Variants in BIRC6 observed in about 807,000 individuals in gnomAD.
BIRC6 encodes dual E2 ubiquitin-conjugating enzyme/E3 ubiquitin-protein ligase BIRC6.
Under a neutral mutation model 503.3 loss-of-function variants are expected in BIRC6, and 98 were observed. The ratio of observed to expected loss-of-function variants is 0.19; its 90% confidence interval spans 0.17 to 0.23. The LOEUF (loss-of-function observed/expected upper bound fraction) is 0.23, where lower values mean the gene tolerates loss of function less well. Ranked by LOEUF, BIRC6 falls within the 10% of genes least tolerant of loss-of-function variation. The pLI is 1.00. For missense variants in BIRC6, 5,360 were observed against 5,806.0 expected, an observed-to-expected ratio of 0.92 and a Z score of 2.50; for synonymous variants, 2,240 against 2,078.7, an observed-to-expected ratio of 1.08 and a Z score of -2.11.
chr2:32,519,007 A>G lies in BIRC6; in HGVS notation c.11623+61A>G, dbSNP rs2055354515. The G allele has an allele frequency of 7.4e-6, 11 of 1,489,284 alleles. No homozygotes were observed. The South Asian group carries it at 1.3e-4, about 18-fold the overall frequency. The allele number at this position is 1,489,284 out of a possible 1,614,324, so 92.3% of individuals were successfully genotyped here. On this transcript the variant is annotated intron_variant, in intron 57 of 73. Coordinates refer to ENST00000421745, the MANE Select transcript of BIRC6 (RefSeq NM_016252.4). ...TTATGTTTGATGTATATGGAGGTTTATTGTTTTTATAACTTTATTTTCTGC... is the reference window on the plus strand; with the variant it reads ...TTATGTTTGATGTATATGGAGGTTTGTTGTTTTTATAACTTTATTTTCTGC...
At position 32,547,565 on chromosome 2, in the gene BIRC6, T is replaced by C. The variant is rs528939519; in HGVS notation, c.12811-285T>C. ...ATTTCTTCTTATGGCTCAATAAATA[T>C]CCTGTTTGTTGATCCATTCATCGGT... is the stretch of plus-strand genomic sequence containing the variant. On this transcript the variant is annotated intron_variant, in intron 63 of 73. Coordinates refer to ENST00000421745, the MANE Select transcript of BIRC6 (RefSeq NM_016252.4). 2.7e-3 allele frequency among the ~76,000 whole-genome samples: 415 copies of C among 152,346 alleles called. 3 individuals are homozygous for C. The highest frequency in any genetic ancestry group is 9.4e-3 in the African/African-American group (389 of 41,570).
At chr2:32,596,979 C>T (rs551222290) in intron 68 of BIRC6, among the ~76,000 whole-genome samples, 7 of 152,158 alleles carry the variant, frequency 4.6e-5, no homozygotes, top group African/African-American at 7.2e-5. Flanking sequence ...TTCTCTCATA[C>T]TACATAAAAT....
At chr2:32,391,981 G>T in intron 4 of BIRC6, 58 bp from the exon 5 acceptor site, 1 of 1,147,946 alleles carries the variant, frequency 8.7e-7, no homozygotes, top group South Asian at 1.5e-5. Context: ...TTGTTAAATA[G>T]AAGTTTCACT....
chr2:32,616,173 A>G (rs940539628), intron 73 of BIRC6, among the ~76,000 whole-genome samples: 3 of 152,082 alleles, frequency 2.0e-5, no homozygotes, highest in Admixed American at 1.3e-4. Flanking sequence ...TTGTTCTTCT[A>G]TGATCTTTTT....
intron 3 of BIRC6, among the ~76,000 whole-genome samples, chr2:32,385,451 C>T (rs1024042274): frequency 6.6e-6 from 1 of 152,166 alleles, no homozygotes; most frequent in African/African-American, 2.4e-5. Flanking sequence ...TTGGACAGCT[C>T]TGAATTTGTA....
chr2:32,357,625 C>T lies in BIRC6; in HGVS notation c.325+139C>T. The T allele has an allele frequency of 8.5e-6, 12 of 1,408,624 alleles. No homozygotes were observed. Among genetic ancestry groups the T allele is most frequent in the South Asian group, 1.5e-5 (1 of 67,824 alleles). 87.3% of individuals were successfully genotyped at this position (1,408,624 alleles called of 1,614,324 possible). ...TCGGGCCCAGCCGTGAAGGGAGGCC[C>T]GGAAGCTGATGGAGGGGGACCTTAG... On this transcript the variant is annotated intron_variant, in intron 1 of 73. Coordinates refer to ENST00000421745, the MANE Select transcript of BIRC6 (RefSeq NM_016252.4). This position sits in a 1 kb window ranked among gnomAD's most constrained non-coding sequence, Gnocchi z 4.9.
chr2:32,480,489 G>C (rs530413702), intron 37 of BIRC6, among the ~76,000 whole-genome samples: 1 of 152,174 alleles, frequency 6.6e-6, no homozygotes, highest in East Asian at 1.9e-4. Context: ...TGTTGAATAA[G>C]AGGATAGGAA....
chr2:32,510,870 T>A (rs1294371276), intron 53 of BIRC6, among the ~76,000 whole-genome samples: 1 of 152,212 alleles, frequency 6.6e-6, no homozygotes, highest in Non-Finnish European at 1.5e-5. Flanking sequence ...GAATTCTTTG[T>A]TAATACTGCT....
At chr2:32,472,291 A>T (rs1336087802) in intron 32 of BIRC6, among the ~76,000 whole-genome samples, 1 of 151,312 alleles carries the variant, frequency 6.6e-6, no homozygotes, top group African/African-American at 2.4e-5. Flanking sequence ...CTGGTCTTGA[A>T]CTCCTGACCT....
chr2:32,442,092 T>A lies in BIRC6; in HGVS notation c.3972T>A (p.Phe1324Leu), dbSNP rs200450824. The change falls in exon 18 of 74, where the codon TTT (phenylalanine) becomes TTA (leucine). Residue 1324 changes from phenylalanine (F) to leucine (L), a missense_variant. Coordinates refer to ENST00000421745, the MANE Select transcript of BIRC6 (RefSeq NM_016252.4). ...ERVQRCAMLQ[F>L]SEFHEKLLNT... ...TGCAACGATGTGCCATGTTACAGTT[T>A]TCAGAATTTCATGAGAAGCTTCTTA... 29 of 1,590,276 alleles carry A rather than the reference T, an allele frequency of 1.8e-5. No homozygotes were observed. The highest frequency in any genetic ancestry group is 2.4e-5 in the Non-Finnish European group (28 of 1,173,078).
At position 32,515,584 on chromosome 2, in the gene BIRC6, C is replaced by G. The variant is rs1219575136; in HGVS notation, c.11163C>G (p.His3721Gln). ...LWTALLFLLCHSGSTSGSHNL... is the reference protein window; with the variant it reads ...LWTALLFLLCQSGSTSGSHNL... The stretch of plus-strand genomic sequence containing the variant: ...CAGCACTTCTGTTTTTATTGTGTCA[C>G]TCTGGGTCCACTTCTGGAAGCCATA... Residue 3721 changes from histidine (H) to glutamine (Q), a missense_variant, in exon 55 of 74, where the codon CAC becomes CAG. Physicochemically the swap from His to Gln is conservative, Grantham distance 24. Around this residue, in one of 16 missense-constraint regions of BIRC6, gnomAD observed 878 missense variants for 928.9 expected, o/e 0.95. Transcript: ENST00000421745. 1 of 1,613,910 alleles carries G rather than the reference C, an allele frequency of 6.2e-7. No individual in the cohort carries two copies. Among genetic ancestry groups the G allele is most frequent in the East Asian group, 2.2e-5 (1 of 44,882 alleles).
chr2:32,422,148 A>G (rs183666944), intron 10 of BIRC6, among the ~76,000 whole-genome samples: 3 of 152,268 alleles, frequency 2.0e-5, no homozygotes, highest in Admixed American at 2.0e-4. Context: ...TCTTTTCCAC[A>G]ATTTTACTTT....
In BIRC6 at chr2:32,612,915, A is replaced by G. The variant is rs372906516; in HGVS notation, c.14394+1333A>G. 1.1e-4 allele frequency among the ~76,000 whole-genome samples: 16 copies of G among 152,302 alleles called. No individual in the cohort carries two copies. The South Asian group carries it at 2.1e-3, about 20-fold the overall frequency. ...ACAGATTGTCTTCTTTCACCGTCAG[A>G]CTATAGCAGTTGACACTTCTTGCCT... is the stretch of plus-strand genomic sequence containing the variant. On this transcript the variant is annotated intron_variant, in intron 73 of 73. Transcript: ENST00000421745.
intron 1 of BIRC6, among the ~76,000 whole-genome samples, chr2:32,375,434 G>A (rs759271480): frequency 1.9e-4 from 29 of 151,996 alleles, no homozygotes; most frequent in Non-Finnish European, 4.1e-4. Flanking sequence ...GATGGCTTGA[G>A]CCCCAGGCGT....
At position 32,357,226 on chromosome 2, in the gene BIRC6, T is replaced by G; in HGVS notation, c.65T>G (p.Val22Gly). Residue 22 changes from valine to glycine, a missense_variant, in exon 1 of 74, where the codon GTG (valine) becomes GGG (glycine). Physicochemically the swap from Val to Gly is moderately radical, Grantham distance 109 (BLOSUM62 -3). Around this residue, in one of 16 missense-constraint regions of BIRC6, gnomAD observed 145 missense variants for 106.9 expected, o/e 1.36. Transcript: ENST00000421745. The surrounding 1 kb of genome is among the most constrained non-coding windows in gnomAD (Gnocchi z 4.9). ...ACTGAGCCGCTTCCCAGTGTGATTG[T>G]GCTGAGCGCAGGCCGGAAGATGGCG... The part of the protein sequence containing the change: ...TVTEPLPSVI[V>G]LSAGRKMAAA... 2 of 1,531,804 alleles carry G rather than the reference T, an allele frequency of 1.3e-6. No homozygotes were observed. The highest frequency in any genetic ancestry group is 1.7e-6 in the Non-Finnish European group (2 of 1,143,362). The allele number at this position is 1,531,804 out of a possible 1,614,324, so 94.9% of individuals were successfully genotyped here.
At chr2:32,411,043 A>G (rs2041814776) in intron 9 of BIRC6, among the ~76,000 whole-genome samples, 2 of 141,872 alleles carry the variant, frequency 1.4e-5, no homozygotes, top group African/African-American at 5.3e-5. Flanking sequence ...CCTTGAGTTC[A>G]TTTTTTTTCT....
intron 42 of BIRC6, among the ~76,000 whole-genome samples, chr2:32,488,950 TA>T (rs2051340869): frequency 6.6e-6 from 1 of 152,184 alleles, no homozygotes; most frequent in African/African-American, 2.4e-5. Flanking sequence ...TGTATGCAAC[TA>T]AAATTTACAA....
chr2:32,509,578 A>C (rs1282066896), intron 51 of BIRC6, 160 bp from the exon 52 acceptor site: 1 of 787,822 alleles, frequency 1.3e-6, no homozygotes, highest in South Asian at 1.8e-5. Flanking sequence ...GGGGAAACTT[A>C]CTGTCTGTTT....
At chr2:32,544,374 G>A (rs1180594016) in intron 62 of BIRC6, among the ~76,000 whole-genome samples, 1 of 151,870 alleles carries the variant, frequency 6.6e-6, no homozygotes, top group African/African-American at 2.4e-5. Context: ...AAGCTGTGAT[G>A]ATTGTTTCCA....
Sources: allele counts gnomAD v4.1 joint callset (sites outside exome capture counted in the v4.1 genomes callset), GRCh38; gene constraint gnomAD v4.1.1; regional missense constraint gnomAD v4.1.1; non-coding constraint Gnocchi (gnomAD v3.1); transcripts MANE v1.5; gene names NCBI Gene and HGNC (gene_info 2026-07-23, HGNC 2026-07-21).